The following AUTS2 variants were observed in gnomAD, a reference collection of about 807,000 sequenced individuals.
AUTS2 encodes activator of transcription and developmental regulator AUTS2.
A neutral mutation model predicts 112.4 loss-of-function variants in AUTS2; 17 were observed. The observed-to-expected ratio is 0.15, with a 90% confidence interval of 0.10 to 0.23. The LOEUF (loss-of-function observed/expected upper bound fraction) is 0.23. Among genes scored for constraint, AUTS2 ranks in the 10% least tolerant of loss-of-function variants. The pLI is 1.00. For synonymous variants in AUTS2, 751 were observed against 702.7 expected (o/e 1.07, Z -1.09); for missense variants, 1,510 against 1,701.6 (o/e 0.89, Z 1.98).
chr7:70,245,933 A>G (rs939410847), intron 4 of AUTS2, among the ~76,000 whole-genome samples: 9 of 152,172 alleles, frequency 5.9e-5, no homozygotes, highest in Non-Finnish European at 1.0e-4. Flanking sequence ...TCTTGTGCAC[A>G]TGTGTATGTG....
rs76421763 is a variant in AUTS2 at position 70,552,112 on chromosome 7, G to A, written c.690+116331G>A. On this transcript the variant is annotated intron_variant, in intron 5 of 18. Coordinates refer to ENST00000342771, the MANE Select transcript of AUTS2 (RefSeq NM_015570.4). ...TGTGTATCTTTGTGTGTGTATGTGC[G>A]TGTGCATGTGCGTGTGTGTTTAAAC... 6.1e-3 allele frequency among the ~76,000 whole-genome samples: 933 copies of A among 152,274 alleles called. 15 individuals carry two copies. Among genetic ancestry groups the A allele is most frequent in the African/African-American group, 0.021 (880 of 41,564 alleles).
chr7:69,734,977 C>A (rs529936768), intron 1 of AUTS2, among the ~76,000 whole-genome samples: 4 of 152,206 alleles, frequency 2.6e-5, no homozygotes, highest in East Asian at 3.9e-4. Flanking sequence ...TTCAGTAGTT[C>A]TGGAATAGGT....
chr7:70,644,300 G>A (rs1030507423), intron 5 of AUTS2, among the ~76,000 whole-genome samples: 5 of 152,162 alleles, frequency 3.3e-5, no homozygotes, highest in African/African-American at 1.2e-4. Context: ...GAGTGGTGAT[G>A]GAGAGGGAGT....
chr7:70,296,665 T>G (rs1788951709), intron 4 of AUTS2, among the ~76,000 whole-genome samples: 3 of 152,194 alleles, frequency 2.0e-5, no homozygotes, highest in Admixed American at 2.0e-4. Flanking sequence ...TTTCTGTGTT[T>G]AGGTTGTTTC....
chr7:70,224,407 T>C (rs954396361), intron 4 of AUTS2, among the ~76,000 whole-genome samples: 2 of 148,902 alleles, frequency 1.3e-5, no homozygotes, highest in African/African-American at 5.0e-5. Flanking sequence ...TACAATATAA[T>C]ACCATACAAT....
At chr7:70,021,002 T>C (rs112097096) in intron 2 of AUTS2, among the ~76,000 whole-genome samples, 6 of 151,428 alleles carry the variant, frequency 4.0e-5, no homozygotes, top group Admixed American at 3.3e-4. Context: ...CTTTTCTTTT[T>C]TTTTGAGATA....
At chr7:69,903,606 C>T (rs1193660455) in intron 2 of AUTS2, among the ~76,000 whole-genome samples, 1 of 152,160 alleles carries the variant, frequency 6.6e-6, no homozygotes, top group Non-Finnish European at 1.5e-5. Context: ...ATGAACTCTT[C>T]TAACAGACAC....
At chr7:70,753,062 A>G (rs938315051) in intron 6 of AUTS2, among the ~76,000 whole-genome samples, 7 of 152,238 alleles carry the variant, frequency 4.6e-5, no homozygotes, top group African/African-American at 1.7e-4. Flanking sequence ...TAGGAGCAAT[A>G]AACTTGAAAC....
chr7:70,381,132 G>A (rs1364379366), intron 4 of AUTS2, among the ~76,000 whole-genome samples: 1 of 152,086 alleles, frequency 6.6e-6, no homozygotes, highest in Non-Finnish European at 1.5e-5. Context: ...ACTGAAATAG[G>A]ATGAAATAAT....
intron 4 of AUTS2, among the ~76,000 whole-genome samples, chr7:70,334,073 C>A (rs952838254): frequency 2.6e-5 from 4 of 152,050 alleles, no homozygotes; most frequent in African/African-American, 9.7e-5. Flanking sequence ...ATAGAGAGGC[C>A]ATTTCTTTCT....
At chr7:70,091,225 T>G (rs980021721) in intron 2 of AUTS2, among the ~76,000 whole-genome samples, 2 of 152,212 alleles carry the variant, frequency 1.3e-5, no homozygotes, top group Admixed American at 1.3e-4. Flanking sequence ...CCTGTCATTT[T>G]TCCCCTGGAT....
chr7:70,514,700 C>G (rs1176139635), intron 5 of AUTS2, among the ~76,000 whole-genome samples: 1 of 152,150 alleles, frequency 6.6e-6, no homozygotes, highest in Non-Finnish European at 1.5e-5. Context: ...AAGGTGTGAG[C>G]ATCTTCACCC....
In AUTS2 at chr7:70,727,213, G is replaced by A. The variant is rs11977269; in HGVS notation, c.742+28593G>A. 3.9e-5 allele frequency among the ~76,000 whole-genome samples: 6 copies of A among 152,132 alleles called. No individual in the cohort carries two copies. In the East Asian group the frequency reaches 1.2e-3, roughly 29 times the overall value. On this transcript the variant is annotated intron_variant, in intron 6 of 18. Transcript: ENST00000342771. ...GTTAAACAATTCCCTCCAGGCCAGCGTGTGGGAACCTGCACATTCCTACCA... is the reference window on the plus strand; with the variant it reads ...GTTAAACAATTCCCTCCAGGCCAGCATGTGGGAACCTGCACATTCCTACCA...
chr7:70,081,026 T>C (rs1194934972), intron 2 of AUTS2, among the ~76,000 whole-genome samples: 3 of 152,168 alleles, frequency 2.0e-5, no homozygotes, highest in African/African-American at 4.8e-5. Flanking sequence ...ATCCAAAGCA[T>C]TTATGTCAAG....
At chr7:70,373,434 C>A (rs922050788) in intron 4 of AUTS2, among the ~76,000 whole-genome samples, 2 of 152,108 alleles carry the variant, frequency 1.3e-5, no homozygotes, top group Admixed American at 6.5e-5. Context: ...GGGTAGGTTT[C>A]TTTATTTATT....
intron 1 of AUTS2, among the ~76,000 whole-genome samples, chr7:69,606,231 C>CTT (rs1792708286): frequency 6.6e-6 from 1 of 152,204 alleles, no homozygotes; most frequent in African/African-American, 2.4e-5. Context: ...GACTCTTCTA[C>CTT]ACCACAGTTT....
chr7:70,777,666 C>T (rs1428845189), intron 14 of AUTS2, among the ~76,000 whole-genome samples: 1 of 152,160 alleles, frequency 6.6e-6, no homozygotes, highest in East Asian at 1.9e-4. Context: ...TTAGGGAAAC[C>T]ACTAGTGAAA....
At position 70,691,874 on chromosome 7, in the gene AUTS2, A is replaced by ATTTTT. The variant is rs34314079; in HGVS notation, c.691-6680_691-6676dup. On this transcript the variant is annotated intron_variant, in intron 5 of 18. Coordinates refer to ENST00000342771, the MANE Select transcript of AUTS2 (RefSeq NM_015570.4). The stretch of plus-strand genomic sequence containing the variant: ...TAATCCCTGGTAACCATTGATGACA[A>ATTTTT]TTTTTTTTTTTTTTTTTTTGAGATA... Among the ~76,000 whole-genome samples the ATTTTT allele has an allele frequency of 2.3e-4, 30 of 131,810 alleles. 2 individuals carry two copies. In the South Asian group the frequency reaches 4.5e-3, roughly 20 times the overall value. 86.5% of individuals were successfully genotyped at this position (131,810 alleles called of 152,430 possible). A position where few individuals can be genotyped will look rare whatever the true frequency, so the allele number is the denominator to read the frequency against.
At chr7:70,416,837 C>T (rs1562945445) in intron 4 of AUTS2, among the ~76,000 whole-genome samples, 1 of 152,314 alleles carries the variant, frequency 6.6e-6, no homozygotes, top group East Asian at 1.9e-4. Context: ...CCCTGCTCCC[C>T]TCCTCTGACA....
Sources: gnomAD v4.1 joint callset for allele counts (sites outside exome capture counted in the v4.1 genomes callset) on GRCh38, gnomAD v4.1.1 for gene constraint, MANE v1.5 for transcripts, NCBI Gene and HGNC (gene_info 2026-07-23, HGNC 2026-07-21) for gene names.